Variants in BTBD1 observed in about 807,000 individuals in gnomAD.
The protein encoded by BTBD1 is BTB/POZ domain-containing protein 1.
Under a neutral mutation model 48.0 loss-of-function variants are expected in BTBD1, and 34 were observed. The observed-to-expected ratio is 0.71, with a 90% CI of 0.54 to 0.94. The LOEUF (loss-of-function observed/expected upper bound fraction) is 0.94. Among genes scored for constraint, BTBD1 ranks in the 40% least tolerant of loss-of-function variants. The pLI, the probability that BTBD1 is intolerant of heterozygous loss-of-function variation, is 0.00. For missense variants in BTBD1, 543 were observed against 625.6 expected, an observed-to-expected ratio of 0.87 and a Z score of 1.41; for synonymous variants, 261 against 242.1, an observed-to-expected ratio of 1.08 and a Z score of -0.72.
intron 2 of BTBD1, among the ~76,000 whole-genome samples, chr15:83,054,814 C>A (rs1287918586): frequency 6.6e-6 from 1 of 152,122 alleles, no homozygotes; most frequent in Admixed American, 6.5e-5. Context: ...CCCGCCTCGG[C>A]CTCCCAAAGT....
At chr15:83,032,214 G>A (rs1185835909) in intron 4 of BTBD1, among the ~76,000 whole-genome samples, 1 of 151,926 alleles carries the variant, frequency 6.6e-6, no homozygotes, top group African/African-American at 2.4e-5. Context: ...CCAGCTACTC[G>A]GGAGGCTGAG....
chr15:83,029,449 A>C (rs138507296), intron 5 of BTBD1: 1 of 152,242 alleles, frequency 6.6e-6, no homozygotes, highest in East Asian at 1.9e-4. Flanking sequence ...TGCAACATCT[A>C]TGCAAAGAAA....
chr15:83,019,859 T>C (rs1347488349), intron 6 of BTBD1, among the ~76,000 whole-genome samples: 2 of 148,260 alleles, frequency 1.3e-5, no homozygotes, highest in African/African-American at 2.5e-5. Context: ...CCTCCCAAAG[T>C]GCTAGGAGGC....
intron 2 of BTBD1, among the ~76,000 whole-genome samples, chr15:83,050,627 T>C (rs985279790): frequency 6.6e-6 from 1 of 152,162 alleles, no homozygotes; most frequent in South Asian, 2.1e-4. Context: ...TTAAATCTTA[T>C]AGTCTTTTCA....
intron 3 of BTBD1, chr15:83,044,595 G>A: frequency 6.3e-7 from 1 of 1,594,386 alleles, no homozygotes. Context: ...AGAAACCACA[G>A]CTGATGGCAG....
At chr15:83,053,292 C>T (rs2033026559) in intron 2 of BTBD1, among the ~76,000 whole-genome samples, 1 of 152,184 alleles carries the variant, frequency 6.6e-6, no homozygotes, top group Non-Finnish European at 1.5e-5. Flanking sequence ...TCAAATGACT[C>T]ACTTAGCAGG....
chr15:83,020,815 C>A, intron 5 of BTBD1, 53 bp from the exon 6 acceptor site: 1 of 1,164,498 alleles, frequency 8.6e-7, no homozygotes. Flanking sequence ...TGTTCATATT[C>A]TGAAGGGTTA....
rs1438460681 is a variant in BTBD1 at position 83,029,923 on chromosome 15, A to G, written c.1055+213T>C. 5 of 583,958 alleles carry G rather than the reference A, an allele frequency of 8.6e-6. No individual in the cohort carries two copies. The Admixed American group carries it at 9.0e-5, about 11-fold the overall frequency. 36.2% of individuals were successfully genotyped at this position (583,958 alleles called of 1,614,324 possible). ...GTCCAACCCAATCCTTTCTTACTCT[A>G]TTTTTTTCTTAAGAAGTCACCCTCA... On this transcript the variant is annotated intron_variant, in intron 5 of 7. Coordinates refer to ENST00000261721, the MANE Select transcript of BTBD1 (RefSeq NM_025238.4).
chr15:83,049,589 T>A (rs1159088930), intron 3 of BTBD1, among the ~76,000 whole-genome samples: 1 of 151,802 alleles, frequency 6.6e-6, no homozygotes, highest in Admixed American at 6.6e-5. Context: ...TGTCCTCTCT[T>A]TTTTTTTAAT....
At chr15:83,023,184 GT>G in intron 5 of BTBD1, among the ~76,000 whole-genome samples, 1 of 151,614 alleles carries the variant, frequency 6.6e-6, no homozygotes, top group Admixed American at 6.6e-5. Flanking sequence ...ATGTAAAATG[GT>G]TAAAAAAACT....
At chr15:83,058,194 G>C (rs1465714816) in intron 1 of BTBD1, among the ~76,000 whole-genome samples, 3 of 152,222 alleles carry the variant, frequency 2.0e-5, no homozygotes, top group South Asian at 2.1e-4. Flanking sequence ...GGTTCTGCCA[G>C]GAAAGGCGCT....
At position 83,017,812 on chromosome 15, in the gene BTBD1, T is replaced by G; in HGVS notation, c.*255A>C. ...AGCCAATCTATGAAATTATACAAGA[T>G]GAAGGTGAAAAAGCTGTGCTTTTTT... On this transcript the variant is annotated 3_prime_UTR_variant, in exon 8 of 8. Transcript: ENST00000261721. The G allele has an allele frequency of 4.5e-6, 1 of 221,552 alleles. No homozygotes were observed. Among genetic ancestry groups the G allele is most frequent in the Non-Finnish European group, 8.7e-6 (1 of 114,304 alleles). 13.7% of individuals were successfully genotyped at this position (221,552 alleles called of 1,614,324 possible). A position where few individuals can be genotyped will look rare whatever the true frequency, so the allele number is the denominator to read the frequency against.
intron 4 of BTBD1, among the ~76,000 whole-genome samples, chr15:83,033,292 T>C (rs1244766587): frequency 6.6e-6 from 1 of 152,150 alleles, no homozygotes; most frequent in Non-Finnish European, 1.5e-5. Flanking sequence ...GTTAGTATCC[T>C]ACCTGTTTTA....
At position 83,051,903 on chromosome 15, in the gene BTBD1, CAT is replaced by C. The variant is rs1491542479; in HGVS notation, c.559-1727_559-1726del. ...ACACACACACACACACACACACACA[CAT>C]CTATCTGGGAGGAGAGACTAAACTA... On this transcript the variant is annotated intron_variant, in intron 2 of 7. Transcript: ENST00000261721. Among the ~76,000 whole-genome samples, 8 of 151,298 alleles carry C rather than the reference CAT, an allele frequency of 5.3e-5. No individual in the cohort carries two copies. The South Asian group carries it at 1.3e-3, about 24-fold the overall frequency.
intron 5 of BTBD1, among the ~76,000 whole-genome samples, chr15:83,021,545 G>A (rs1284862418): frequency 6.6e-6 from 1 of 152,116 alleles, no homozygotes; most frequent in Admixed American, 6.6e-5. Context: ...CCTGAGGTCA[G>A]GAGTTTCAGA....
chr15:83,047,341 G>T (rs891475191), intron 3 of BTBD1, among the ~76,000 whole-genome samples: 5 of 152,162 alleles, frequency 3.3e-5, no homozygotes, highest in African/African-American at 1.2e-4. Context: ...AGGGGAAGAA[G>T]GATCCTAATC....
Position 83,041,806 on chromosome 15 carries a change from C to T in BTBD1, c.784G>A (p.Gly262Arg). The T allele has an allele frequency of 2.5e-6, 4 of 1,614,080 alleles. No individual in the cohort carries two copies. Among genetic ancestry groups the T allele is most frequent in the Non-Finnish European group, 3.4e-6 (4 of 1,179,978 alleles). ...CQRQQLPVTFGNKQKVLGKAL... is the reference protein window; with the variant it reads ...CQRQQLPVTFRNKQKVLGKAL... ...TTTCCTAGAACTTTTTGTTTATTCCCAAAAGTCACAGGTAATTGTTGTCTC... is the reference window on the plus strand; with the variant it reads ...TTTCCTAGAACTTTTTGTTTATTCCTAAAAGTCACAGGTAATTGTTGTCTC... The change falls in exon 4 of 8, where the codon GGG becomes AGG. Residue 262 changes from glycine to arginine, a missense_variant. Physicochemically the swap from Gly to Arg is moderately radical, Grantham distance 125. This residue lies in a region of BTBD1 where 300 missense variants were observed against 350.0 expected (regional missense o/e 0.86). Coordinates refer to ENST00000261721, the MANE Select transcript of BTBD1 (RefSeq NM_025238.4).
At chr15:83,032,016 G>T (rs932188305) in intron 4 of BTBD1, among the ~76,000 whole-genome samples, 3 of 152,180 alleles carry the variant, frequency 2.0e-5, no homozygotes, top group African/African-American at 4.8e-5. Context: ...AAAACAGTAT[G>T]GAGATTCCTT....
At chr15:83,044,511 G>A in intron 3 of BTBD1, 3 of 1,584,910 alleles carry the variant, frequency 1.9e-6, no homozygotes, top group Non-Finnish European at 2.6e-6. Context: ...CACTTGTGAT[G>A]GCAAAAACCT....
Sources: allele counts gnomAD v4.1 joint callset (sites outside exome capture counted in the v4.1 genomes callset), GRCh38; gene constraint gnomAD v4.1.1; regional missense constraint gnomAD v4.1.1; transcripts MANE v1.5; gene names NCBI Gene and HGNC (gene_info 2026-07-23, HGNC 2026-07-21).